The following GUCY1A2 variants were observed in gnomAD, a reference collection of about 807,000 sequenced individuals.
The protein encoded by GUCY1A2 is guanylate cyclase 1 soluble subunit alpha 2, also known as guanylate cyclase soluble subunit alpha-2.
GUCY1A2 carries 27 observed loss-of-function variants against 63.5 expected under a neutral mutation model. The ratio of observed to expected loss-of-function variants is 0.43; its 90% CI spans 0.31 to 0.59. GUCY1A2 has a LOEUF of 0.59. Among genes scored for constraint, GUCY1A2 ranks in the 20% least tolerant of loss-of-function variants. GUCY1A2 has a pLI of 0.11. For missense variants in GUCY1A2, 768 were observed against 913.3 expected (o/e 0.84, Z 2.05); for synonymous variants, 364 against 343.5 (o/e 1.06, Z -0.66).
intron 3 of GUCY1A2, among the ~76,000 whole-genome samples, chr11:106,959,573 T>C (rs1193240516): frequency 6.6e-6 from 1 of 152,218 alleles, no homozygotes; most frequent in African/African-American, 2.4e-5. Flanking sequence ...TGCCTTCAGC[T>C]GAAGAGAGCT....
chr11:106,830,481 A>T (rs1309403276), intron 4 of GUCY1A2, among the ~76,000 whole-genome samples: 2 of 152,176 alleles, frequency 1.3e-5, no homozygotes, highest in Middle Eastern at 3.2e-3. Context: ...GGAAAGGCAG[A>T]CCTACCCTCA....
chr11:106,817,792 T>A (rs926827567), intron 4 of GUCY1A2, among the ~76,000 whole-genome samples: 2 of 151,924 alleles, frequency 1.3e-5, no homozygotes, highest in African/African-American at 4.8e-5. Flanking sequence ...AAAACTACAA[T>A]GAGATATCAC....
At chr11:106,732,436 C>CA (rs1348238359) in intron 6 of GUCY1A2, among the ~76,000 whole-genome samples, 1 of 152,056 alleles carries the variant, frequency 6.6e-6, no homozygotes, top group Non-Finnish European at 1.5e-5. Flanking sequence ...AAGTTAGCTT[C>CA]ATAAGACATT....
intron 5 of GUCY1A2, among the ~76,000 whole-genome samples, chr11:106,787,163 A>C (rs561618333): frequency 8.6e-5 from 13 of 151,654 alleles, no homozygotes; most frequent in Admixed American, 3.9e-4. Context: ...ATTATATATA[A>C]TTATACTCTT....
intron 4 of GUCY1A2, chr11:106,826,617 A>G: frequency 6.2e-7 from 1 of 1,604,436 alleles, no homozygotes; most frequent in Non-Finnish European, 8.5e-7. Context: ...AGCCCTGTGC[A>G]TTGTATTTTC....
chr11:106,840,509 A>G (rs1268479801), intron 4 of GUCY1A2, among the ~76,000 whole-genome samples: 1 of 151,986 alleles, frequency 6.6e-6, no homozygotes, highest in Admixed American at 6.6e-5. Context: ...AACTATATTG[A>G]TATAGAAGTA....
chr11:106,812,624 A>C (rs1258750648), intron 4 of GUCY1A2, among the ~76,000 whole-genome samples: 1 of 151,762 alleles, frequency 6.6e-6, no homozygotes, highest in East Asian at 1.9e-4. Flanking sequence ...TGTATGCATA[A>C]ATTAATATAT....
At chr11:106,877,919 C>T (rs1859772285) in intron 4 of GUCY1A2, among the ~76,000 whole-genome samples, 1 of 151,504 alleles carries the variant, frequency 6.6e-6, no homozygotes, top group Non-Finnish European at 1.5e-5. Context: ...CAAACTTAAA[C>T]AAACTTACAA....
At chr11:107,015,031 A>C (rs1282699850) in intron 1 of GUCY1A2, among the ~76,000 whole-genome samples, 1 of 152,228 alleles carries the variant, frequency 6.6e-6, no homozygotes, top group Non-Finnish European at 1.5e-5. Flanking sequence ...TTTTTGAGCT[A>C]GTGTTCTAAC....
At chr11:106,773,407 AAC>A (rs1204102232) in intron 6 of GUCY1A2, among the ~76,000 whole-genome samples, 1 of 152,206 alleles carries the variant, frequency 6.6e-6, no homozygotes, top group African/African-American at 2.4e-5. Context: ...GTATAAATAT[AAC>A]ACAGTTTATC....
Position 106,709,592 on chromosome 11 carries a change from T to C in GUCY1A2, c.1837-926A>G, listed in dbSNP as rs553970732. Among the ~76,000 whole-genome samples the C allele has an allele frequency of 4.3e-4, 44 of 102,494 alleles. 1 individual carries two copies. The highest frequency in any genetic ancestry group is 3.0e-3 in the Admixed American group (20 of 6,582). The allele number at this position is 102,494 out of a possible 152,430, so 67.2% of individuals were successfully genotyped here. On this transcript the variant is annotated intron_variant, in intron 6 of 7. Transcript: ENST00000526355. ...TACGTGTATATAATATATAGTTATA[T>C]ATAATATATAGTTATATATTATATA... is the stretch of plus-strand genomic sequence containing the variant.
intron 5 of GUCY1A2, among the ~76,000 whole-genome samples, chr11:106,795,905 G>C (rs974394641): frequency 1.3e-5 from 2 of 151,284 alleles, no homozygotes; most frequent in Non-Finnish European, 2.9e-5. Context: ...GTTGACAGTG[G>C]GGTGTTAAAA....
chr11:106,688,958 T>C (rs947124448), intron 7 of GUCY1A2, among the ~76,000 whole-genome samples: 4 of 152,210 alleles, frequency 2.6e-5, no homozygotes, highest in Non-Finnish European at 5.9e-5. Context: ...AGCCCTAAAC[T>C]AAGAGTTTAG....
chr11:106,859,721 A>G (rs531661015), intron 4 of GUCY1A2, among the ~76,000 whole-genome samples: 1 of 152,072 alleles, frequency 6.6e-6, no homozygotes, highest in South Asian at 2.1e-4. Context: ...ATAAGATAAT[A>G]CCATATTTTT....
At chr11:106,732,355 A>G (rs1863519793) in intron 6 of GUCY1A2, among the ~76,000 whole-genome samples, 1 of 152,316 alleles carries the variant, frequency 6.6e-6, no homozygotes, top group African/African-American at 2.4e-5. Flanking sequence ...CCTCTTCCTT[A>G]CAAAAATTAA....
At chr11:106,726,824 C>A (rs902954789) in intron 6 of GUCY1A2, among the ~76,000 whole-genome samples, 14 of 152,064 alleles carry the variant, frequency 9.2e-5, no homozygotes, top group African/African-American at 3.1e-4. Flanking sequence ...AAGGTGGTGG[C>A]AGATTGTGAA....
At chr11:107,004,663 G>C (rs1033516679) in intron 1 of GUCY1A2, among the ~76,000 whole-genome samples, 19 of 152,088 alleles carry the variant, frequency 1.2e-4, no homozygotes, top group African/African-American at 4.6e-4. Flanking sequence ...TAGTAAATAA[G>C]ATAATTTATG....
At chr11:106,777,281 T>C (rs1471517908) in intron 5 of GUCY1A2, among the ~76,000 whole-genome samples, 3 of 151,884 alleles carry the variant, frequency 2.0e-5, no homozygotes, top group Admixed American at 6.6e-5. Context: ...ACCCCATCTC[T>C]ACTGAAAATA....
At chr11:106,859,854 C>T (rs1179057330) in intron 4 of GUCY1A2, among the ~76,000 whole-genome samples, 1 of 151,884 alleles carries the variant, frequency 6.6e-6, no homozygotes, top group Non-Finnish European at 1.5e-5. Flanking sequence ...ATAGGTTATA[C>T]ATAGCCTAGG....
Sources: allele counts gnomAD v4.1 joint callset (sites outside exome capture counted in the v4.1 genomes callset), GRCh38; gene constraint gnomAD v4.1.1; transcripts MANE v1.5; gene names NCBI Gene and HGNC (gene_info 2026-07-23, HGNC 2026-07-21).